Variants in ZNRF1 observed in about 807,000 individuals in gnomAD.
The protein encoded by ZNRF1 is zinc and ring finger 1.
A neutral mutation model predicts 18.4 loss-of-function variants in ZNRF1; 3 were observed. The observed-to-expected ratio is 0.16, with a 90% CI of 0.07 to 0.42. The LOEUF is 0.42. Among genes scored for constraint, ZNRF1 ranks in the 10% least tolerant of loss-of-function variants. The probability of loss-of-function intolerance (pLI) is 0.99; values close to 1 mark genes in which losing one functional copy is unlikely to be tolerated. For missense variants in ZNRF1, 310 were observed against 329.8 expected, an observed-to-expected ratio of 0.94 and a Z score of 0.47; for synonymous variants, 157 against 144.2, an observed-to-expected ratio of 1.09 and a Z score of -0.64.
chr16:75,066,563 C>T (rs557576486), intron 1 of ZNRF1, among the ~76,000 whole-genome samples: 2 of 152,272 alleles, frequency 1.3e-5, no homozygotes, highest in South Asian at 2.1e-4. Flanking sequence ...AGTGCAGTGG[C>T]GCGATGTCAG....
At chr16:75,083,225 G>A (rs960923365) in intron 1 of ZNRF1, among the ~76,000 whole-genome samples, 7 of 152,180 alleles carry the variant, frequency 4.6e-5, no homozygotes, top group Admixed American at 4.6e-4. Context: ...GTATATTTGG[G>A]CAGTACTGGA....
chr16:75,040,598 G>GTTTTTTTTTTT (rs61513153), intron 1 of ZNRF1, among the ~76,000 whole-genome samples: 1 of 46,356 alleles, frequency 2.2e-5, no homozygotes, highest in African/African-American at 8.0e-5. Flanking sequence ...TTTTTTGTGG[G>GTTTTTTTTTTT]TTTTTTTTTT....
chr16:75,093,695 T>C (rs866281052), intron 2 of ZNRF1, 28 bp downstream of exon 2: 2 of 1,586,578 alleles, frequency 1.3e-6, no homozygotes, highest in Middle Eastern at 3.3e-4. Flanking sequence ...CTCACCAGCC[T>C]CCAGAGCATC....
chr16:75,011,456 C>T (rs1347717296), intron 1 of ZNRF1, among the ~76,000 whole-genome samples: 1 of 152,086 alleles, frequency 6.6e-6, no homozygotes, highest in East Asian at 1.9e-4. Context: ...TGGACATGAA[C>T]TCCTGGGCTT....
chr16:75,031,944 T>C (rs922304241), intron 1 of ZNRF1, among the ~76,000 whole-genome samples: 1 of 152,132 alleles, frequency 6.6e-6, no homozygotes, highest in African/African-American at 2.4e-5. Flanking sequence ...AATTGCACAA[T>C]TTTATACTCC....
chr16:75,087,216 C>T (rs1044958116), intron 1 of ZNRF1, among the ~76,000 whole-genome samples: 1 of 152,170 alleles, frequency 6.6e-6, no homozygotes, highest in Non-Finnish European at 1.5e-5. Flanking sequence ...TGCCCAGTTA[C>T]CCTGGTCCAG....
In ZNRF1 at chr16:75,045,922, G is replaced by C. The variant is rs556898269; in HGVS notation, c.424+45827G>C. Among the ~76,000 whole-genome samples the C allele has an allele frequency of 2.0e-5, 3 of 151,512 alleles. No homozygotes were observed. In the East Asian group the frequency reaches 5.8e-4, roughly 29 times the overall value. On this transcript the variant is annotated intron_variant, in intron 1 of 4. Transcript: ENST00000335325. ...CTTTTTTTTTTATTTTTATTTTTGA[G>C]ATGGAGTTTCACTCTCGTTGCCCAA... is the stretch of plus-strand genomic sequence containing the variant.
intron 1 of ZNRF1, among the ~76,000 whole-genome samples, chr16:75,076,390 ATTCGCTAGACAGCCAC>A (rs919756969): frequency 6.6e-6 from 1 of 152,094 alleles, no homozygotes; most frequent in African/African-American, 2.4e-5. Flanking sequence ...TGTGGGACAC[ATTCGCTAGACAGCCAC>A]TTCGGGATGT....
At chr16:75,100,458 C>T (rs190298557) in intron 2 of ZNRF1, among the ~76,000 whole-genome samples, 14 of 152,128 alleles carry the variant, frequency 9.2e-5, no homozygotes, top group African/African-American at 1.9e-4. Flanking sequence ...TGTCATAAAG[C>T]GCCTAAGCCT....
chr16:75,008,427 T>C (rs1448146825), intron 1 of ZNRF1, among the ~76,000 whole-genome samples: 1 of 152,180 alleles, frequency 6.6e-6, no homozygotes, highest in Admixed American at 6.5e-5. Flanking sequence ...ACTTTTCTTC[T>C]TTGGCTCTGG....
rs140657225 is a variant in ZNRF1, at chr16:75,040,700, G to A, written c.424+40605G>A. ...CGGCTCACTGCAACCTCTGCCTCCTGGGTCCAAGTGATTCTCCTGGCTTAG... is the reference window on the plus strand; with the variant it reads ...CGGCTCACTGCAACCTCTGCCTCCTAGGTCCAAGTGATTCTCCTGGCTTAG... On this transcript the variant is annotated intron_variant, in intron 1 of 4. Transcript: ENST00000335325. Among the ~76,000 whole-genome samples, 3 of 145,802 alleles carry A rather than the reference G, an allele frequency of 2.1e-5. No individual in the cohort carries two copies. In the East Asian group the frequency reaches 6.0e-4, roughly 29 times the overall value.
chr16:75,079,460 C>G (rs2035983931), intron 1 of ZNRF1, among the ~76,000 whole-genome samples: 1 of 152,242 alleles, frequency 6.6e-6, no homozygotes, highest in African/African-American at 2.4e-5. Context: ...AGCCTGGCAA[C>G]AGAGCAAGAG....
intron 1 of ZNRF1, among the ~76,000 whole-genome samples, chr16:75,062,720 G>C (rs934674979): frequency 2.0e-5 from 3 of 152,224 alleles, no homozygotes; most frequent in Non-Finnish European, 4.4e-5. Flanking sequence ...GGTGGGGCTG[G>C]TGCTTGCTAG....
In ZNRF1 at chr16:75,035,253, C is replaced by G. The variant is rs144596691; in HGVS notation, c.424+35158C>G. 6.8e-3 allele frequency among the ~76,000 whole-genome samples: 1,042 copies of G among 152,224 alleles called. 8 individuals are homozygous for G. The highest frequency in any genetic ancestry group is 0.024 in the African/African-American group (998 of 41,530). ...TTTGCCATGTTGCCTGGGCTGGTCT[C>G]CAACTCCTGGGCTCAAGTGATCCTC... is the stretch of plus-strand genomic sequence containing the variant. On this transcript the variant is annotated intron_variant, in intron 1 of 4. Transcript: ENST00000335325.
intron 2 of ZNRF1, among the ~76,000 whole-genome samples, chr16:75,099,777 C>T (rs902123183): frequency 2.0e-5 from 3 of 152,178 alleles, no homozygotes; most frequent in Non-Finnish European, 2.9e-5. Flanking sequence ...GCGAGGCCCC[C>T]GCCATGGCTT....
At chr16:75,016,332 G>T (rs1238702361) in intron 1 of ZNRF1, among the ~76,000 whole-genome samples, 2 of 151,426 alleles carry the variant, frequency 1.3e-5, no homozygotes, top group African/African-American at 4.9e-5. Flanking sequence ...TCCACCTCCC[G>T]GGTTCAAGCA....
chr16:75,091,363 A>AG (rs2036137382), intron 1 of ZNRF1, among the ~76,000 whole-genome samples: 1 of 150,478 alleles, frequency 6.6e-6, no homozygotes, highest in African/African-American at 2.4e-5. Context: ...CATCTCAAAA[A>AG]AAAAAAAAGA....
At chr16:75,041,440 C>T (rs1208435904) in intron 1 of ZNRF1, among the ~76,000 whole-genome samples, 1 of 152,042 alleles carries the variant, frequency 6.6e-6, no homozygotes, top group African/African-American at 2.4e-5. Context: ...AGTGATTCTC[C>T]CACTTCAGCC....
chr16:75,104,550 CAT>C (rs1387300611), intron 2 of ZNRF1: 1 of 390,794 alleles, frequency 2.6e-6, no homozygotes, highest in African/African-American at 2.1e-5. Context: ...TGGTTAATCA[CAT>C]GTTGAGATTA....
Sources: allele counts gnomAD v4.1 joint callset (sites outside exome capture counted in the v4.1 genomes callset), GRCh38; gene constraint gnomAD v4.1.1; transcripts MANE v1.5; gene names NCBI Gene and HGNC (gene_info 2026-07-23, HGNC 2026-07-21).